LYPD1: variants seen among roughly 807,000 people sequenced by gnomAD.
The protein encoded by LYPD1 is ly6/PLAUR domain-containing protein 1.
A neutral mutation model predicts 14.2 loss-of-function variants in LYPD1; 14 were observed. The observed-to-expected ratio is 0.99, with a 90% CI of 0.65 to 1.54. The LOEUF is 1.54. Ranked by LOEUF, LYPD1 falls within the 40% of genes most tolerant of loss-of-function variation. LYPD1 has a pLI of 0.00. For synonymous variants in LYPD1, 85 were observed against 70.6 expected, an observed-to-expected ratio of 1.20 and a Z score of -1.02; for missense variants, 165 against 175.7, an observed-to-expected ratio of 0.94 and a Z score of 0.34.
At position 132,668,548 on chromosome 2, in the gene LYPD1, G is replaced by A; in HGVS notation, c.53-11C>T. 6.2e-7 allele frequency: 1 copy of A among 1,610,972 alleles called. No homozygotes were observed. The highest frequency in any genetic ancestry group is 8.5e-7 in the Non-Finnish European group (1 of 1,179,110). On this transcript the variant is annotated splice_polypyrimidine_tract_variant and intron_variant, in intron 1 of 2. Transcript: ENST00000397463. ...TTTGCAGCGCAAAGCCTGCGAGACA[G>A]ACGCAGTCGGGTTCAGATCCGGCCC...
In LYPD1 at chr2:132,645,554, C is replaced by T. The variant is rs1558871440; in HGVS notation, c.*491G>A. 1.2e-6 allele frequency: 2 copies of T among 1,614,004 alleles called. No individual in the cohort carries two copies. Among genetic ancestry groups the T allele is most frequent in the East Asian group, 2.2e-5 (1 of 44,874 alleles). On this transcript the variant is annotated 3_prime_UTR_variant, in exon 3 of 3. Coordinates refer to ENST00000397463, the MANE Select transcript of LYPD1 (RefSeq NM_144586.7). The stretch of plus-strand genomic sequence containing the variant: ...GAGTCACTAGAGCCCAACTCAGGCG[C>T]GAAACCAGCCAATTCTGCTGCAGAG...
intron 2 of LYPD1, among the ~76,000 whole-genome samples, chr2:132,649,278 G>C (rs950868997): frequency 6.6e-6 from 1 of 152,170 alleles, no homozygotes; most frequent in Non-Finnish European, 1.5e-5. Context: ...GAAAATCCAC[G>C]TGGTGGAGAT....
At position 132,645,650 on chromosome 2, in the gene LYPD1, C is replaced by T; in HGVS notation, c.*395G>A. 6.4e-7 allele frequency: 1 copy of T among 1,571,172 alleles called. No homozygotes were observed. The highest frequency in any genetic ancestry group is 1.2e-5 in the South Asian group (1 of 83,108). ...TTGAGTGGGAACTGGCCCTCCAGCC[C>T]TAAGAAAACGTCACTCTCACTCTGC... On this transcript the variant is annotated 3_prime_UTR_variant, in exon 3 of 3. Transcript: ENST00000397463.
In LYPD1 at chr2:132,645,255, G is replaced by T; in HGVS notation, c.*790C>A. 1.9e-6 allele frequency: 3 copies of T among 1,614,128 alleles called. No individual in the cohort carries two copies. The highest frequency in any genetic ancestry group is 2.5e-6 in the Non-Finnish European group (3 of 1,180,028). ...CGGAGACGTTTTTCTACCTCAGCTC[G>T]GTCATCAACCCGCTCCTGTACACGG... On this transcript the variant is annotated 3_prime_UTR_variant, in exon 3 of 3. Transcript: ENST00000397463.
intron 2 of LYPD1, among the ~76,000 whole-genome samples, chr2:132,647,472 C>T (rs1682161920): frequency 6.6e-6 from 1 of 152,084 alleles, no homozygotes; most frequent in African/African-American, 2.4e-5. Context: ...GCTCTGTCGC[C>T]CAGGCGCCCG....
intron 2 of LYPD1, among the ~76,000 whole-genome samples, chr2:132,667,957 A>C (rs1301267766): frequency 6.6e-6 from 1 of 152,226 alleles, no homozygotes; most frequent in Non-Finnish European, 1.5e-5. Flanking sequence ...GTGTTCTTCA[A>C]GGAAATATGG....
intron 2 of LYPD1, among the ~76,000 whole-genome samples, chr2:132,659,138 A>G (rs952802158): frequency 1.1e-4 from 16 of 152,380 alleles, no homozygotes; most frequent in Middle Eastern, 3.4e-3. Context: ...CTAAAAAGTA[A>G]AAGGTATATT....
intron 2 of LYPD1, among the ~76,000 whole-genome samples, chr2:132,651,607 C>G (rs1682364843): frequency 6.6e-6 from 1 of 152,166 alleles, no homozygotes; most frequent in Non-Finnish European, 1.5e-5. Flanking sequence ...ACTTTCACAT[C>G]CTTAATAGGG....
Position 132,646,234 on chromosome 2 carries a change from G to T in LYPD1, c.237C>A (p.Ile79=). The T allele has an allele frequency of 6.3e-7, 1 of 1,586,206 alleles. No homozygotes were observed. The highest frequency in any genetic ancestry group is 1.1e-5 in the South Asian group (1 of 86,968). Residue 79 remains isoleucine, a synonymous_variant, in exon 3 of 3, where the codon ATC becomes ATA. Transcript: ENST00000397463. ...AGAAGGACTGGTACCCGGCAGAGGC[G>T]ATGAGACAGGCCGCTGATGATGCAC... is the stretch of plus-strand genomic sequence containing the variant. The part of the protein sequence containing the change: ...KSCASSAACL[I]ASAGYQSFCS...
intron 2 of LYPD1, among the ~76,000 whole-genome samples, chr2:132,648,481 G>T (rs76924974): frequency 9.3e-5 from 3 of 32,312 alleles, no homozygotes; most frequent in African/African-American, 2.2e-4. Flanking sequence ...TTTGCACACA[G>T]TTGTATCACA....
chr2:132,655,388 T>G (rs1682526245), intron 2 of LYPD1, among the ~76,000 whole-genome samples: 1 of 152,132 alleles, frequency 6.6e-6, no homozygotes, highest in Non-Finnish European at 1.5e-5. Flanking sequence ...CCTTAGAATC[T>G]GGGTGAGAAA....
intron 2 of LYPD1, among the ~76,000 whole-genome samples, chr2:132,648,038 A>AGAT: frequency 6.6e-6 from 1 of 152,182 alleles, no homozygotes; most frequent in East Asian, 1.9e-4. Flanking sequence ...TGCTCTGGTA[A>AGAT]GATAAAGTCG....
At chr2:132,662,135 T>G (rs1410976655) in intron 2 of LYPD1, among the ~76,000 whole-genome samples, 1 of 152,220 alleles carries the variant, frequency 6.6e-6, no homozygotes, top group Non-Finnish European at 1.5e-5. Context: ...TCCCTCATTC[T>G]GAGAAATATA....
At chr2:132,663,185 C>T (rs1683066436) in intron 2 of LYPD1, 1 of 152,292 alleles carries the variant, frequency 6.6e-6, no homozygotes, top group Non-Finnish European at 1.5e-5. Context: ...CTAACTTCAT[C>T]GAAGTTGATA....
rs1683602584 is a variant in LYPD1 at position 132,670,205 on chromosome 2, G to A, written c.-273C>T. On this transcript the variant is annotated 5_prime_UTR_variant, in exon 1 of 3. Coordinates refer to ENST00000397463, the MANE Select transcript of LYPD1 (RefSeq NM_144586.7). This position sits in a 1 kb window ranked among gnomAD's most constrained non-coding sequence, Gnocchi z 4.5. The stretch of plus-strand genomic sequence containing the variant: ...CCGGAGTTGGCGGCTGAGACTGAAG[G>A]AACTACTGGCGATCGGGAGCACCCA... 10 of 1,076,440 alleles carry A rather than the reference G, an allele frequency of 9.3e-6. No individual in the cohort carries two copies. The South Asian group carries it at 1.6e-4, about 17-fold the overall frequency. The allele number at this position is 1,076,440 out of a possible 1,614,324, so 66.7% of individuals were successfully genotyped here. A position where few individuals can be genotyped will look rare whatever the true frequency, so the allele number is the denominator to read the frequency against.
Position 132,670,019 on chromosome 2 carries a change from C to A in LYPD1, c.-87G>T. On this transcript the variant is annotated 5_prime_UTR_variant, in exon 1 of 3. Coordinates refer to ENST00000397463, the MANE Select transcript of LYPD1 (RefSeq NM_144586.7). This position sits in a 1 kb window ranked among gnomAD's most constrained non-coding sequence, Gnocchi z 4.5. Reference sequence around the variant, plus strand: ...GCTGCCCCGGCTGCAGCGGCTGTGGCTGCCGAGGCTGCTGGGGCCCGCGCT... The same window carrying A: ...GCTGCCCCGGCTGCAGCGGCTGTGGATGCCGAGGCTGCTGGGGCCCGCGCT... 1.3e-6 allele frequency: 2 copies of A among 1,569,790 alleles called. No homozygotes were observed. The highest frequency in any genetic ancestry group is 1.7e-6 in the Non-Finnish European group (2 of 1,165,724).
rs1681952782 is a variant in LYPD1, at chr2:132,644,620, G to A, written c.*1425C>T. ...AAATATGCTGCTTTGTTGCCAAAGG[G>A]ACACTTCTTCCATTTGATTTAAAAA... On this transcript the variant is annotated 3_prime_UTR_variant, in exon 3 of 3. Coordinates refer to ENST00000397463, the MANE Select transcript of LYPD1 (RefSeq NM_144586.7). Among the ~76,000 whole-genome samples the A allele has an allele frequency of 2.0e-5, 3 of 152,206 alleles. No homozygotes were observed. The South Asian group carries it at 6.2e-4, about 32-fold the overall frequency.
At chr2:132,655,956 C>A (rs962597684) in intron 2 of LYPD1, among the ~76,000 whole-genome samples, 1 of 152,268 alleles carries the variant, frequency 6.6e-6, no homozygotes, top group East Asian at 1.9e-4. Flanking sequence ...TCTGTCACCC[C>A]CCTCCACTCC....
At chr2:132,650,620 A>G (rs1324721135) in intron 2 of LYPD1, among the ~76,000 whole-genome samples, 1 of 152,286 alleles carries the variant, frequency 6.6e-6, no homozygotes, top group East Asian at 1.9e-4. Flanking sequence ...CAATTCCACA[A>G]AGCCATAGAA....
Sources: allele counts gnomAD v4.1 joint callset (sites outside exome capture counted in the v4.1 genomes callset), GRCh38; gene constraint gnomAD v4.1.1; non-coding constraint Gnocchi (gnomAD v3.1); transcripts MANE v1.5; gene names NCBI Gene and HGNC (gene_info 2026-07-23, HGNC 2026-07-21).